LDLRAP1: variants seen among roughly 807,000 people sequenced by gnomAD.
LDLRAP1 encodes the protein low density lipoprotein receptor adaptor protein 1.
Under a neutral mutation model 37.8 loss-of-function variants are expected in LDLRAP1, and 30 were observed. The ratio of observed to expected loss-of-function variants is 0.79; its 90% CI spans 0.59 to 1.08. The LOEUF is 1.08. LDLRAP1 is among the 50% of genes least tolerant of loss of function. The pLI is 0.00. For missense variants in LDLRAP1, 375 were observed against 401.6 expected (o/e 0.93, Z 0.57); for synonymous variants, 156 against 169.8 (o/e 0.92, Z 0.63).
At chr1:25,575,778 A>G in the LDLRAP1 span, among the ~76,000 whole-genome samples, 8 of 152,060 alleles carry the variant, frequency 5.3e-5, no homozygotes, top group Non-Finnish European at 8.8e-5. Context: ...TACACAAACG[A>G]CCCCATGGGC....
At position 25,554,180 on chromosome 1, in the gene LDLRAP1, C is replaced by A; in HGVS notation, c.231+116C>A. ...TGGGTGTGTCTGAGCCTGGCCCTGC[C>A]CTTCATTCTCCTTCCATCCAGCTTT... is the stretch of plus-strand genomic sequence containing the variant. On this transcript the variant is annotated intron_variant, in intron 2 of 8. Coordinates refer to ENST00000374338, the MANE Select transcript of LDLRAP1 (RefSeq NM_015627.3). The surrounding 1 kb of genome is among the most constrained non-coding windows in gnomAD (Gnocchi z 5.4). 1 of 1,246,344 alleles carries A rather than the reference C, an allele frequency of 8.0e-7. No homozygotes were observed. 77.2% of individuals were successfully genotyped at this position (1,246,344 alleles called of 1,614,324 possible).
chr1:25,552,238 A>G (rs1391683681), intron 1 of LDLRAP1, among the ~76,000 whole-genome samples: 3 of 152,216 alleles, frequency 2.0e-5, no homozygotes, highest in Non-Finnish European at 4.4e-5. Context: ...CCGGAACTCC[A>G]GAACCAAGCT....
chr1:25,565,239 C>G (rs1382703068), intron 8 of LDLRAP1, 32 bp downstream of exon 8: 1 of 1,613,374 alleles, frequency 6.2e-7, no homozygotes, highest in Admixed American at 1.7e-5. Flanking sequence ...GGGTAGGGGG[C>G]CTGGTGTGCG....
intron 7 of LDLRAP1, chr1:25,564,492 T>C (rs549670488): frequency 6.4e-6 from 1 of 155,886 alleles, no homozygotes. Context: ...GCCCCTTCAG[T>C]GTCCTGTTTC....
chr1:25,557,273 C>A lies in LDLRAP1; in HGVS notation c.459+6C>A, dbSNP rs762507383. The A allele has an allele frequency of 1.1e-5, 11 of 990,984 alleles. No individual in the cohort carries two copies. Among genetic ancestry groups the A allele is most frequent in the Admixed American group, 9.3e-5 (5 of 53,762 alleles). 61.4% of individuals were successfully genotyped at this position (990,984 alleles called of 1,614,324 possible). On this transcript the variant is annotated splice_donor_region_variant and intron_variant, in intron 4 of 8. Transcript: ENST00000374338. Reference sequence around the variant, plus strand: ...TCTGCACCAAGCGGAAGATGGTCAGCGGGGAGGGCTGGGGCGGGGACAGGG... The same window carrying A: ...TCTGCACCAAGCGGAAGATGGTCAGAGGGGAGGGCTGGGGCGGGGACAGGG...
the LDLRAP1 span, among the ~76,000 whole-genome samples, chr1:25,584,997 T>C: frequency 6.6e-6 from 1 of 152,046 alleles, no homozygotes; most frequent in Non-Finnish European, 1.5e-5. Context: ...CTTTTGTAGG[T>C]CAGACCAGGT....
At chr1:25,582,559 T>G in the LDLRAP1 span, among the ~76,000 whole-genome samples, 1 of 149,372 alleles carries the variant, frequency 6.7e-6, no homozygotes, top group Non-Finnish European at 1.5e-5. Context: ...CACTCCAGCC[T>G]GGCGACAGAG....
At position 25,562,527 on chromosome 1, in the gene LDLRAP1, C is replaced by T. The variant is rs945273449; in HGVS notation, c.460-117C>T. 1.9e-5 allele frequency: 16 copies of T among 823,530 alleles called. No individual in the cohort carries two copies. The South Asian group carries it at 2.2e-4, about 12-fold the overall frequency. 51.0% of individuals were successfully genotyped at this position (823,530 alleles called of 1,614,324 possible). ...CATTCCAGAGCCTGGGATGGAGCTG[C>T]AGAAGCTGCAGGGAGGGAGCCAGGG... On this transcript the variant is annotated intron_variant, in intron 4 of 8. Coordinates refer to ENST00000374338, the MANE Select transcript of LDLRAP1 (RefSeq NM_015627.3).
Position 25,557,283 on chromosome 1 carries a change from T to C in LDLRAP1, c.459+16T>C, listed in dbSNP as rs756647327. The C allele has an allele frequency of 1.7e-5, 23 of 1,343,782 alleles. No homozygotes were observed. Among genetic ancestry groups the C allele is most frequent in the Admixed American group, 5.1e-5 (3 of 59,014 alleles). 83.2% of individuals were successfully genotyped at this position (1,343,782 alleles called of 1,614,324 possible). ...GCGGAAGATGGTCAGCGGGGAGGGC[T>C]GGGGCGGGGACAGGGTCCAGTGGCC... On this transcript the variant is annotated intron_variant, in intron 4 of 8. Coordinates refer to ENST00000374338, the MANE Select transcript of LDLRAP1 (RefSeq NM_015627.3).
At chr1:25,549,644 G>A (rs2044023040) in intron 1 of LDLRAP1, among the ~76,000 whole-genome samples, 1 of 152,194 alleles carries the variant, frequency 6.6e-6, no homozygotes, top group Non-Finnish European at 1.5e-5. Flanking sequence ...ACCGGAACAG[G>A]GCTGTGCACT....
At chr1:25,550,027 G>C (rs900121753) in intron 1 of LDLRAP1, 1 of 152,408 alleles carries the variant, frequency 6.6e-6, no homozygotes, top group African/African-American at 2.4e-5. Context: ...AAGCAGACAT[G>C]AATGGCAGGT....
intron 1 of LDLRAP1, 41 bp downstream of exon 1, chr1:25,543,827 C>A: frequency 8.5e-7 from 1 of 1,177,856 alleles, no homozygotes. Context: ...CGGGATCGGG[C>A]AGAGGCGCGC....
downstream of LDLRAP1, among the ~76,000 whole-genome samples, chr1:25,569,715 C>T (rs989515283): frequency 6.6e-6 from 1 of 152,164 alleles, no homozygotes. Context: ...TACTATGTGC[C>T]GGGTGTTGTG....
intron 1 of LDLRAP1, among the ~76,000 whole-genome samples, chr1:25,547,398 G>A (rs1287881834): frequency 2.0e-5 from 3 of 151,942 alleles, no homozygotes; most frequent in Non-Finnish European, 4.4e-5. Context: ...CAGGAGAATC[G>A]CTTGAACTTG....
intron 6 of LDLRAP1, 56 bp downstream of exon 6, chr1:25,563,209 C>A: frequency 1.3e-6 from 2 of 1,484,048 alleles, no homozygotes; most frequent in Non-Finnish European, 1.9e-6. Flanking sequence ...TGCGCTTCAC[C>A]CAGGGGGGTC....
intron 4 of LDLRAP1, 87 bp from the exon 5 acceptor site, chr1:25,562,552 GGGCCT>G (rs2044367348): frequency 9.5e-7 from 1 of 1,049,492 alleles, no homozygotes; most frequent in African/African-American, 1.6e-5. Context: ...GGGAGCCAGG[GGGCCT>G]GGCCTGGAGG....
At chr1:25,563,236 T>C in intron 6 of LDLRAP1, 83 bp downstream of exon 6, 5 of 1,101,736 alleles carry the variant, frequency 4.5e-6, no homozygotes, top group Non-Finnish European at 6.8e-6. Context: ...CTGCCTGGGC[T>C]GGGAGAGCCT....
intron 6 of LDLRAP1, among the ~76,000 whole-genome samples, chr1:25,563,435 AAACTT>A (rs555473043): frequency 3.2e-4 from 49 of 152,346 alleles, no homozygotes; most frequent in Admixed American, 1.4e-3. Flanking sequence ...TTGCTTAAGA[AAACTT>A]AACTATTGTG....
intron 4 of LDLRAP1, among the ~76,000 whole-genome samples, chr1:25,558,068 A>G (rs75617397): frequency 1.1e-4 from 16 of 152,144 alleles, no homozygotes; most frequent in Non-Finnish European, 2.2e-4. Flanking sequence ...GATGAGTGGG[A>G]ACCTTGGTGG....
Sources: gnomAD v4.1 joint callset for allele counts (sites outside exome capture counted in the v4.1 genomes callset) on GRCh38, gnomAD v4.1.1 for gene constraint, Gnocchi (gnomAD v3.1) non-coding constraint, MANE v1.5 for transcripts, NCBI Gene and HGNC (gene_info 2026-07-23, HGNC 2026-07-21) for gene names.